MYO1F: variants seen among roughly 807,000 people sequenced by gnomAD.
MYO1F encodes unconventional myosin-If.
MYO1F carries 60 observed loss-of-function variants against 146.6 expected under a neutral mutation model. The ratio of observed to expected loss-of-function variants is 0.41; its 90% confidence interval spans 0.33 to 0.51. The LOEUF is 0.51. Ranked by LOEUF, MYO1F falls within the 20% of genes least tolerant of loss-of-function variation. MYO1F has a pLI of 0.25. For synonymous variants in MYO1F, 602 were observed against 602.1 expected, an observed-to-expected ratio of 1.00 and a Z score of 0.00; for missense variants, 1,274 against 1,534.3, an observed-to-expected ratio of 0.83 and a Z score of 2.83.
Position 8,539,935 on chromosome 19 carries a change from C to T in MYO1F, c.1692+12G>A, listed in dbSNP as rs1972886714. ...TGCAGGCCCAGCTCCCCGTTGTACA[C>T]CCCAGGCCCACCTTGATCTTGGAGC... On this transcript the variant is annotated intron_variant, in intron 16 of 27. Coordinates refer to ENST00000644032, the MANE Select transcript of MYO1F (RefSeq NM_012335.4). 7 of 1,612,380 alleles carry T rather than the reference C, an allele frequency of 4.3e-6. No individual in the cohort carries two copies. The highest frequency in any genetic ancestry group is 5.1e-6 in the Non-Finnish European group (6 of 1,179,146).
intron 24 of MYO1F, 23 bp from the exon 25 acceptor site, chr19:8,525,585 T>C (rs758209352): frequency 6.3e-7 from 1 of 1,598,548 alleles, no homozygotes; most frequent in Non-Finnish European, 8.6e-7. Flanking sequence ...TGTCAGGGAG[T>C]TGAATGACAG....
At position 8,530,787 on chromosome 19, in the gene MYO1F, C is replaced by G. The variant is rs907820510; in HGVS notation, c.2044-214G>C. Among the ~76,000 whole-genome samples the G allele has an allele frequency of 1.3e-5, 2 of 152,210 alleles. No individual in the cohort carries two copies. Among genetic ancestry groups the G allele is most frequent in the Non-Finnish European group, 2.9e-5 (2 of 68,040 alleles). On this transcript the variant is annotated intron_variant, in intron 19 of 27. Coordinates refer to ENST00000644032, the MANE Select transcript of MYO1F (RefSeq NM_012335.4). The surrounding 1 kb of genome is among the most constrained non-coding windows in gnomAD (Gnocchi z 5.8). ...GGGCGCAGTGGCTCACGCCTGTAAT[C>G]CTAGCACTTCGGGAGGCCGAGGCGG... is the stretch of plus-strand genomic sequence containing the variant.
chr19:8,536,200 C>A lies in MYO1F; in HGVS notation c.2043+52G>T, dbSNP rs1972702154. ...CTCTCTCTCTCAGTCCCTCTCTATA[C>A]CTTTCTCTCTCTTCCCCTCTCCTTC... On this transcript the variant is annotated intron_variant, in intron 19 of 27. Transcript: ENST00000644032. The A allele has an allele frequency of 3.8e-6, 6 of 1,586,852 alleles. No homozygotes were observed. In the East Asian group the frequency reaches 6.7e-5, roughly 18 times the overall value.
chr19:8,548,567 C>T (rs1252357810), intron 10 of MYO1F, among the ~76,000 whole-genome samples: 1 of 151,998 alleles, frequency 6.6e-6, no homozygotes, highest in Non-Finnish European at 1.5e-5. Flanking sequence ...GACTCTGCCC[C>T]TGAACCTCTC....
At chr19:8,540,627 T>C (rs1171036242) in intron 15 of MYO1F, among the ~76,000 whole-genome samples, 1 of 151,532 alleles carries the variant, frequency 6.6e-6, no homozygotes, top group African/African-American at 2.4e-5. Context: ...GGAGAATCGC[T>C]TGAACCCAGG....
chr19:8,529,716 T>C (rs994538670), intron 21 of MYO1F: 24 of 284,806 alleles, frequency 8.4e-5, no homozygotes, highest in Non-Finnish European at 1.4e-4. Flanking sequence ...GAGAGATGCA[T>C]CTGGCCAGGT....
rs782449356 is a variant in MYO1F, at chr19:8,577,322, G to C, written c.-13C>G. ...AAGGACTTACCATGGTGGGGGGCTG[G>C]TGTCTGGGCTCCTGGAGGCTCCTGA... On this transcript the variant is annotated 5_prime_UTR_variant, in exon 1 of 28. Transcript: ENST00000644032. The surrounding 1 kb of genome is among the most constrained non-coding windows in gnomAD (Gnocchi z 4.3). The C allele has an allele frequency of 3.1e-6, 5 of 1,613,990 alleles. No homozygotes were observed. In the Admixed American group the frequency reaches 8.3e-5, roughly 27 times the overall value.
At chr19:8,525,695 A>G (rs975448341) in intron 24 of MYO1F, 133 bp from the exon 25 acceptor site, 17 of 773,238 alleles carry the variant, frequency 2.2e-5, no homozygotes, top group Admixed American at 1.8e-4. Context: ...CCCCTTAGGT[A>G]CAGTTACACT....
chr19:8,555,376 CAAAAAAAAAAAAAAAAA>C (rs886749061), intron 2 of MYO1F: 31 of 100,284 alleles, frequency 3.1e-4, no homozygotes, highest in Admixed American at 4.9e-4. Flanking sequence ...GACTCCGTCT[CAAAAAAAAAAAAAAAAA>C]AAAAAAAAAA....
At chr19:8,574,530 CCTTTCTTTCTTTCTTTCTTTCTTT>C (rs1183292416) in intron 1 of MYO1F, among the ~76,000 whole-genome samples, 20 of 118,978 alleles carry the variant, frequency 1.7e-4, no homozygotes, top group African/African-American at 5.9e-4. Context: ...TTCTTTTTTC[CCTTTCTTTCTTTCTTTCTTTCTTT>C]CTTTCTTTCT....
At chr19:8,564,553 C>G (rs1239300656) in intron 1 of MYO1F, among the ~76,000 whole-genome samples, 3 of 151,950 alleles carry the variant, frequency 2.0e-5, no homozygotes, top group Non-Finnish European at 4.4e-5. Context: ...AAACCCGGAC[C>G]AGGCAGGGGA....
rs752401021 is a variant in MYO1F at position 8,530,271 on chromosome 19, C to A, written c.2253G>T (p.Glu751Asp). 6 of 1,614,146 alleles carry A rather than the reference C, an allele frequency of 3.7e-6. No individual in the cohort carries two copies. The highest frequency in any genetic ancestry group is 3.3e-5 in the Admixed American group (2 of 60,006). The change falls in exon 21 of 28, where the codon GAG (glutamate) becomes GAT (aspartate). Residue 751 changes from glutamate to aspartate, a missense_variant. Physicochemically the swap from Glu to Asp is conservative, Grantham distance 45 (BLOSUM62 2). Coordinates refer to ENST00000644032, the MANE Select transcript of MYO1F (RefSeq NM_012335.4). The surrounding 1 kb of genome is among the most constrained non-coding windows in gnomAD (Gnocchi z 5.8). ...GDYLGLEERP[E>D]LRQFLGKRER... The stretch of plus-strand genomic sequence containing the variant: ...CCCTCTTGCCCAGGAACTGACGCAG[C>A]TCGGGCCGCTCCTCCAGCCCCAGGT...
intron 14 of MYO1F, 29 bp from the exon 15 acceptor site, chr19:8,542,020 G>C: frequency 1.9e-6 from 3 of 1,596,244 alleles, no homozygotes; most frequent in Non-Finnish European, 2.6e-6. Context: ...AGGACAGTGA[G>C]GGACTGAGAA....
At chr19:8,543,867 C>G (rs542923945) in intron 14 of MYO1F, among the ~76,000 whole-genome samples, 17 of 9,022 alleles carry the variant, frequency 1.9e-3, no homozygotes, top group South Asian at 0.011. Flanking sequence ...GCTGGTGGTG[C>G]TGGTGGTGCT....
chr19:8,532,899 AAAATAC>A (rs1177387665), intron 19 of MYO1F, among the ~76,000 whole-genome samples: 1 of 114,250 alleles, frequency 8.8e-6, no homozygotes, highest in Non-Finnish European at 1.7e-5. Context: ...GAAAAAAAAA[AAAATAC>A]ACACACACAC....
At chr19:8,528,136 C>T (rs573282589) in intron 21 of MYO1F, among the ~76,000 whole-genome samples, 4 of 151,988 alleles carry the variant, frequency 2.6e-5, no homozygotes, top group South Asian at 4.2e-4. Flanking sequence ...ACAGGAGAAT[C>T]GCTTGAACCC....
At position 8,548,018 on chromosome 19, in the gene MYO1F, G is replaced by T; in HGVS notation, c.1269+18C>A. On this transcript the variant is annotated intron_variant, in intron 12 of 27. Transcript: ENST00000644032. ...CCCCACCCCAGGATCCCCCATCCCT[G>T]ACTGCTTGGCCGCCCACCTGCTCGG... 1.7e-6 allele frequency: 2 copies of T among 1,160,632 alleles called. No homozygotes were observed. The highest frequency in any genetic ancestry group is 2.6e-6 in the Non-Finnish European group (2 of 776,360). The allele number at this position is 1,160,632 out of a possible 1,614,324, so 71.9% of individuals were successfully genotyped here.
intron 24 of MYO1F, among the ~76,000 whole-genome samples, chr19:8,526,157 T>C (rs532978040): frequency 6.6e-6 from 1 of 152,222 alleles, no homozygotes; most frequent in South Asian, 2.1e-4. Flanking sequence ...TGAAACCCCG[T>C]CTCTACTAAA....
chr19:8,574,168 C>T (rs1366338909), intron 1 of MYO1F, among the ~76,000 whole-genome samples: 7 of 152,204 alleles, frequency 4.6e-5, no homozygotes, highest in East Asian at 3.9e-4. Flanking sequence ...AAACACCAAC[C>T]GCCACCACCA....
Sources: allele counts gnomAD v4.1 joint callset (sites outside exome capture counted in the v4.1 genomes callset), GRCh38; gene constraint gnomAD v4.1.1; non-coding constraint Gnocchi (gnomAD v3.1); transcripts MANE v1.5; gene names NCBI Gene and HGNC (gene_info 2026-07-23, HGNC 2026-07-21).